Variants in MICU1 observed in about 807,000 individuals in gnomAD.
The protein encoded by MICU1 is mitochondrial calcium uptake 1, also known as calcium uptake protein 1, mitochondrial.
Under a neutral mutation model 56.8 loss-of-function variants are expected in MICU1, and 45 were observed. That is an observed-to-expected ratio of 0.79 (90% confidence interval 0.62 to 1.02). The LOEUF is 1.02. MICU1 is among the 50% of genes least tolerant of loss of function. MICU1 has a pLI of 0.00. For synonymous variants in MICU1, 186 were observed against 195.1 expected (o/e 0.95, Z 0.39); for missense variants, 504 against 587.1 (o/e 0.86, Z 1.46).
intron 8 of MICU1, among the ~76,000 whole-genome samples, chr10:72,469,899 T>G (rs922378673): frequency 6.6e-6 from 1 of 152,166 alleles, no homozygotes; most frequent in African/African-American, 2.4e-5. Context: ...GGTCTTTTTG[T>G]TGTGCCTAAA....
chr10:72,382,243 G>A (rs1310049949), intron 10 of MICU1, among the ~76,000 whole-genome samples: 1 of 151,328 alleles, frequency 6.6e-6, no homozygotes, highest in East Asian at 1.9e-4. Flanking sequence ...CCTAGTAGCT[G>A]GGATTACAGG....
rs888301425 is a variant in MICU1, at chr10:72,559,563, T to C, written c.330+3332A>G. ...TGAGAGGGCCGGGCACAGTGGCTCA[T>C]GCCTGTAATCCTAGCACTTTGGGAG... is the stretch of plus-strand genomic sequence containing the variant. On this transcript the variant is annotated intron_variant, in intron 3 of 11. Transcript: ENST00000361114. 2.6e-5 allele frequency among the ~76,000 whole-genome samples: 4 copies of C among 152,100 alleles called. 1 individual carries two copies. The highest frequency in any genetic ancestry group is 5.9e-5 in the Non-Finnish European group (4 of 68,000).
intron 3 of MICU1, among the ~76,000 whole-genome samples, chr10:72,554,262 T>C (rs1339815996): frequency 6.6e-6 from 1 of 152,162 alleles, no homozygotes; most frequent in Non-Finnish European, 1.5e-5. Context: ...ATTTTGCAAC[T>C]TCAATGAATT....
chr10:72,594,173 A>G (rs1177588702), intron 1 of MICU1, among the ~76,000 whole-genome samples: 2 of 152,214 alleles, frequency 1.3e-5, no homozygotes, highest in Admixed American at 1.3e-4. Context: ...AAACATATAG[A>G]CCAATGGAAT....
chr10:72,485,824 C>A (rs566340771), intron 6 of MICU1, among the ~76,000 whole-genome samples: 2 of 151,814 alleles, frequency 1.3e-5, no homozygotes, highest in Non-Finnish European at 2.9e-5. Flanking sequence ...AAATTTTCAA[C>A]TTCCAATAGG....
chr10:72,413,397 C>A (rs933982613), intron 9 of MICU1, among the ~76,000 whole-genome samples: 2 of 152,028 alleles, frequency 1.3e-5, no homozygotes, highest in Non-Finnish European at 2.9e-5. Flanking sequence ...AGAAAAATCA[C>A]AAGCTAGGAG....
intron 5 of MICU1, among the ~76,000 whole-genome samples, chr10:72,517,282 A>T (rs979649135): frequency 6.6e-6 from 1 of 152,164 alleles, no homozygotes; most frequent in African/African-American, 2.4e-5. Flanking sequence ...GTATTTACTC[A>T]AAGGAAAAGG....
intron 8 of MICU1, among the ~76,000 whole-genome samples, chr10:72,460,303 T>C (rs1377091136): frequency 1.3e-5 from 2 of 152,226 alleles, no homozygotes; most frequent in Non-Finnish European, 2.9e-5. Flanking sequence ...AAAGATAGCT[T>C]GTAACCTAGA....
intron 5 of MICU1, among the ~76,000 whole-genome samples, chr10:72,516,223 AC>A (rs1342394750): frequency 2.1e-4 from 32 of 152,234 alleles, no homozygotes; most frequent in African/African-American, 7.2e-4. Context: ...TTTGTTGGCC[AC>A]AGAAATGCCT....
At chr10:72,435,385 CAAAAAAA>C (rs34955776) in intron 8 of MICU1, among the ~76,000 whole-genome samples, 17 of 48,082 alleles carry the variant, frequency 3.5e-4, no homozygotes, top group Admixed American at 1.5e-3. Context: ...GACCCTGTTA[CAAAAAAA>C]AAAAAAAAAA....
chr10:72,457,364 T>C (rs1471151913), intron 8 of MICU1, among the ~76,000 whole-genome samples: 2 of 147,556 alleles, frequency 1.4e-5, no homozygotes, highest in Admixed American at 6.9e-5. Context: ...ACTATAGTTA[T>C]ATGCCACCGT....
At chr10:72,517,710 C>A (rs1867691045) in intron 5 of MICU1, among the ~76,000 whole-genome samples, 1 of 151,566 alleles carries the variant, frequency 6.6e-6, no homozygotes, top group African/African-American at 2.4e-5. Flanking sequence ...CAAAATCTCA[C>A]AAATCACCAC....
Position 72,562,956 on chromosome 10 carries a change from G to A in MICU1, c.269C>T (p.Ala90Val). 2 of 1,608,686 alleles carry A rather than the reference G, an allele frequency of 1.2e-6. No homozygotes were observed. Among genetic ancestry groups the A allele is most frequent in the Non-Finnish European group, 1.7e-6 (2 of 1,177,652 alleles). ...CTCTTCTGGGTGAGGGGCAAGATCT[G>A]CAGTCTTTTTCTCATGGTTACAAAC... ...GDVCNHEKKT[A>V]DLAPHPEEKK... The change falls in exon 3 of 12, where the codon GCA becomes GTA. Residue 90 changes from alanine (A) to valine (V), a missense_variant. Physicochemically the swap from Ala to Val is moderately conservative, Grantham distance 64. Coordinates refer to ENST00000361114, the MANE Select transcript of MICU1 (RefSeq NM_001195518.2).
intron 9 of MICU1, among the ~76,000 whole-genome samples, chr10:72,417,612 A>G (rs979686482): frequency 1.3e-5 from 2 of 152,332 alleles, no homozygotes; most frequent in African/African-American, 4.8e-5. Context: ...TAGCTTCTGC[A>G]TTCATAAACA....
At chr10:72,408,842 C>A (rs1393519687) in intron 9 of MICU1, among the ~76,000 whole-genome samples, 2 of 152,162 alleles carry the variant, frequency 1.3e-5, no homozygotes, top group Non-Finnish European at 2.9e-5. Flanking sequence ...TTTAGCAAAA[C>A]CCAAGTAATG....
chr10:72,438,112 A>T (rs11524760), intron 8 of MICU1, among the ~76,000 whole-genome samples: 2 of 152,218 alleles, frequency 1.3e-5, no homozygotes, highest in Non-Finnish European at 2.9e-5. Context: ...TCAGCACCAC[A>T]TCACACTTAT....
At chr10:72,451,968 C>T (rs1176242367) in intron 8 of MICU1, among the ~76,000 whole-genome samples, 6 of 151,964 alleles carry the variant, frequency 3.9e-5, no homozygotes, top group Non-Finnish European at 8.8e-5. Context: ...GGGTTCAAGC[C>T]ATTCTCTTGC....
chr10:72,447,028 T>G (rs919340446), intron 8 of MICU1, among the ~76,000 whole-genome samples: 1 of 152,198 alleles, frequency 6.6e-6, no homozygotes, highest in African/African-American at 2.4e-5. Context: ...ACTCTTCACA[T>G]GAACATTTTG....
At chr10:72,392,587 T>C (rs2132069986) in intron 10 of MICU1, among the ~76,000 whole-genome samples, 1 of 152,096 alleles carries the variant, frequency 6.6e-6, no homozygotes, top group Non-Finnish European at 1.5e-5. Context: ...ATTAAAAAAA[T>C]AAAATAAACA....
Sources: allele counts gnomAD v4.1 joint callset (sites outside exome capture counted in the v4.1 genomes callset), GRCh38; gene constraint gnomAD v4.1.1; transcripts MANE v1.5; gene names NCBI Gene and HGNC (gene_info 2026-07-23, HGNC 2026-07-21).